AMOTL1: variants seen among roughly 807,000 people sequenced by gnomAD.
AMOTL1 encodes the protein angiomotin-like protein 1.
Under a neutral mutation model 102.9 loss-of-function variants are expected in AMOTL1, and 45 were observed. The observed-to-expected ratio is 0.44, with a 90% CI of 0.34 to 0.56. AMOTL1 has a LOEUF of 0.56. Among genes scored for constraint, AMOTL1 ranks in the 20% least tolerant of loss-of-function variants. The probability of loss-of-function intolerance (pLI) is 0.01; values close to 1 mark genes in which losing one functional copy is unlikely to be tolerated. For synonymous variants in AMOTL1, 481 were observed against 484.7 expected (o/e 0.99, Z 0.10); for missense variants, 1,114 against 1,225.6 (o/e 0.91, Z 1.36).
intron 8 of AMOTL1, among the ~76,000 whole-genome samples, chr11:94,856,247 C>T (rs897159329): frequency 6.6e-6 from 1 of 151,974 alleles, no homozygotes; most frequent in Non-Finnish European, 1.5e-5. Context: ...TTAGGATGCT[C>T]AATCTTATTA....
chr11:94,833,635 A>G (rs1952117527), intron 6 of AMOTL1, among the ~76,000 whole-genome samples: 1 of 152,204 alleles, frequency 6.6e-6, no homozygotes, highest in Admixed American at 6.5e-5. Flanking sequence ...ATTGTTTCCA[A>G]GGCACATATT....
intron 3 of AMOTL1, among the ~76,000 whole-genome samples, chr11:94,804,997 A>G (rs1215751107): frequency 1.3e-5 from 2 of 152,246 alleles, no homozygotes; most frequent in Non-Finnish European, 2.9e-5. Context: ...ACTTAGGCTT[A>G]GAGAGGGAGG....
intron 3 of AMOTL1, among the ~76,000 whole-genome samples, chr11:94,811,475 G>A (rs1951681630): frequency 1.3e-5 from 2 of 151,548 alleles, no homozygotes; most frequent in Admixed American, 1.3e-4. Context: ...CAGCCTGGGC[G>A]ACAGAGCAAG....
chr11:94,796,471 A>G (rs1951367703), intron 2 of AMOTL1, among the ~76,000 whole-genome samples: 1 of 152,188 alleles, frequency 6.6e-6, no homozygotes, highest in Admixed American at 6.5e-5. Flanking sequence ...TGAATCTGGC[A>G]GAGGAAGACA....
intron 3 of AMOTL1, among the ~76,000 whole-genome samples, chr11:94,809,816 T>C (rs1951639204): frequency 6.6e-6 from 1 of 152,088 alleles, no homozygotes; most frequent in African/African-American, 2.4e-5. Context: ...TTTACTTAAG[T>C]CACATAAACT....
intron 3 of AMOTL1, among the ~76,000 whole-genome samples, chr11:94,805,375 G>A (rs1000842279): frequency 6.6e-6 from 1 of 152,094 alleles, no homozygotes; most frequent in Non-Finnish European, 1.5e-5. Flanking sequence ...CTGTGGGTGT[G>A]GGCTTTCGTC....
chr11:94,737,693 G>A (rs1950456178), intron 2 of AMOTL1, among the ~76,000 whole-genome samples: 1 of 152,224 alleles, frequency 6.6e-6, no homozygotes, highest in South Asian at 2.1e-4. Flanking sequence ...AACCAGAGGA[G>A]ACTGATTCTG....
intron 9 of AMOTL1, among the ~76,000 whole-genome samples, chr11:94,861,242 G>T (rs1327143736): frequency 6.6e-6 from 1 of 152,212 alleles, no homozygotes; most frequent in African/African-American, 2.4e-5. Context: ...GAGGGAAGTT[G>T]CAGCCTCCAG....
In AMOTL1 at chr11:94,850,190, G is replaced by A; in HGVS notation, c.1725G>A (p.Arg575=). Residue 575 remains arginine (R), a synonymous_variant, in exon 7 of 13, where the codon CGG becomes CGA. Coordinates refer to ENST00000433060, the MANE Select transcript of AMOTL1 (RefSeq NM_130847.3). Reference sequence around the variant, plus strand: ...TGCGGACTGCAAGTGAGGACCATCGGAGACACATCGAGATCCTGGACCAGG... The same window carrying A: ...TGCGGACTGCAAGTGAGGACCATCGAAGACACATCGAGATCCTGGACCAGG... ...AAVRTASEDH[R]RHIEILDQAL... 1 of 1,593,720 alleles carries A rather than the reference G, an allele frequency of 6.3e-7. No individual in the cohort carries two copies. Among genetic ancestry groups the A allele is most frequent in the South Asian group, 1.1e-5 (1 of 87,116 alleles).
Position 94,873,812 on chromosome 11 carries a change from C to CACACACACAG in AMOTL1, c.*3018_*3019insCACACACAGA, listed in dbSNP as rs781440940. 79 of 151,506 alleles carry CACACACACAG rather than the reference C, an allele frequency of 5.2e-4. No individual in the cohort carries two copies. Among genetic ancestry groups the CACACACACAG allele is most frequent in the Non-Finnish European group, 9.8e-4 (67 of 68,392 alleles). 9.4% of individuals were successfully genotyped at this position (151,506 alleles called of 1,614,324 possible). On this transcript the variant is annotated 3_prime_UTR_variant, in exon 13 of 13. Transcript: ENST00000433060. ...ACACACACACACACACACACACACA[C>CACACACACAG]AGCTATCACACATCTCAGAGCCTAA...
chr11:94,733,944 AAGAT>A (rs1296171947), intron 2 of AMOTL1, among the ~76,000 whole-genome samples: 6 of 152,298 alleles, frequency 3.9e-5, no homozygotes, highest in African/African-American at 1.2e-4. Flanking sequence ...ATATTGAGTG[AAGAT>A]TCTTTTAAAT....
At chr11:94,712,279 G>C (rs1220281624) in intron 1 of AMOTL1, among the ~76,000 whole-genome samples, 1 of 152,006 alleles carries the variant, frequency 6.6e-6, no homozygotes, top group Non-Finnish European at 1.5e-5. Context: ...CAATAAATGG[G>C]ATAGCTGGCT....
At chr11:94,777,304 G>T (rs1039527354) in intron 1 of AMOTL1, among the ~76,000 whole-genome samples, 1 of 152,188 alleles carries the variant, frequency 6.6e-6, no homozygotes, top group African/African-American at 2.4e-5. Context: ...GATCAAAAAT[G>T]AGTGGTAAGT....
At chr11:94,716,724 C>T (rs565709433) in intron 1 of AMOTL1, among the ~76,000 whole-genome samples, 3 of 152,112 alleles carry the variant, frequency 2.0e-5, no homozygotes, top group African/African-American at 7.2e-5. Context: ...GATTGGCCTA[C>T]CTGTTGTCTT....
At chr11:94,846,973 T>G (rs1202969681) in intron 6 of AMOTL1, among the ~76,000 whole-genome samples, 5 of 152,316 alleles carry the variant, frequency 3.3e-5, no homozygotes, top group Admixed American at 2.0e-4. Context: ...ATGAGCATTG[T>G]TTTTAAAACT....
At chr11:94,822,985 G>A (rs915309233) in intron 4 of AMOTL1, among the ~76,000 whole-genome samples, 4 of 152,302 alleles carry the variant, frequency 2.6e-5, no homozygotes, top group East Asian at 3.9e-4. Flanking sequence ...AAGTTAAAGC[G>A]TAGGAGTGTA....
exon 3 of AMOTL1, chr11:94,740,939 C>T: frequency 7.8e-7 from 1 of 1,289,112 alleles, no homozygotes; most frequent in Non-Finnish European, 1.0e-6. Context: ...CTCCCCCAGA[C>T]AGTGAGTTTG....
chr11:94,710,303 G>A (rs1025278077), intron 1 of AMOTL1, among the ~76,000 whole-genome samples: 1 of 152,162 alleles, frequency 6.6e-6, no homozygotes, highest in African/African-American at 2.4e-5. Flanking sequence ...AACAGGCTTT[G>A]GTGAAGACAC....
intron 6 of AMOTL1, among the ~76,000 whole-genome samples, chr11:94,841,473 A>G (rs186007567): frequency 3.0e-4 from 45 of 152,314 alleles, no homozygotes; most frequent in Admixed American, 5.9e-4. Context: ...GAAAGAAAAA[A>G]GAAGGCAAAA....
Sources: gnomAD v4.1 joint callset for allele counts (sites outside exome capture counted in the v4.1 genomes callset) on GRCh38, gnomAD v4.1.1 for gene constraint, MANE v1.5 for transcripts, NCBI Gene and HGNC (gene_info 2026-07-23, HGNC 2026-07-21) for gene names.